Variants in RNF168 observed in about 807,000 individuals in gnomAD.
RNF168 encodes the protein E3 ubiquitin-protein ligase RNF168.
Under a neutral mutation model 34.9 loss-of-function variants are expected in RNF168, and 34 were observed. The ratio of observed to expected loss-of-function variants is 0.97; its 90% CI spans 0.74 to 1.30. The LOEUF (loss-of-function observed/expected upper bound fraction) is 1.30. Ranked by LOEUF, RNF168 falls within the 50% of genes most tolerant of loss-of-function variation. The pLI is 0.00. For synonymous variants in RNF168, 264 were observed against 254.7 expected, an observed-to-expected ratio of 1.04 and a Z score of -0.35; for missense variants, 725 against 682.5, an observed-to-expected ratio of 1.06 and a Z score of -0.69.
chr3:196,498,806 G>C (rs1732811507), intron 1 of RNF168, among the ~76,000 whole-genome samples: 2 of 152,062 alleles, frequency 1.3e-5, no homozygotes, highest in East Asian at 1.9e-4. Flanking sequence ...ACCAGGCTGG[G>C]CAACATGGTG....
intron 3 of RNF168, among the ~76,000 whole-genome samples, chr3:196,484,166 C>CCTT (rs1314005913): frequency 1.1e-4 from 12 of 110,800 alleles, no homozygotes; most frequent in African/African-American, 4.3e-4. Context: ...GTTGATCTTT[C>CCTT]TTTCCTTTTT....
At chr3:196,496,609 G>A (rs992528220) in intron 1 of RNF168, among the ~76,000 whole-genome samples, 40 of 152,208 alleles carry the variant, frequency 2.6e-4, no homozygotes, top group Admixed American at 3.9e-4. Flanking sequence ...GGACTCTGTT[G>A]CTGTTTGGAT....
chr3:196,484,262 C>A (rs537332327), intron 3 of RNF168, among the ~76,000 whole-genome samples: 1 of 149,528 alleles, frequency 6.7e-6, no homozygotes, highest in African/African-American at 2.5e-5. Flanking sequence ...GCTCCACCCC[C>A]GCAGGTTCAT....
rs1277526376 is a variant in RNF168, at chr3:196,475,610, G to T, written c.681-298C>A. ...CTGTCACCCAGGCTGGAGTGCAGTG[G>T]TGTGATCTCCGCTCACTGCAAGCTC... is the stretch of plus-strand genomic sequence containing the variant. On this transcript the variant is annotated intron_variant, in intron 4 of 5. Coordinates refer to ENST00000318037, the MANE Select transcript of RNF168 (RefSeq NM_152617.4). 1.6e-4 allele frequency among the ~76,000 whole-genome samples: 24 copies of T among 146,802 alleles called. No individual in the cohort carries two copies. In the South Asian group the frequency reaches 4.1e-3, roughly 25 times the overall value.
At chr3:196,495,133 T>C (rs967623432) in intron 1 of RNF168, among the ~76,000 whole-genome samples, 5 of 152,220 alleles carry the variant, frequency 3.3e-5, no homozygotes, top group African/African-American at 7.2e-5. Context: ...CCGTTTAACC[T>C]GCATTTAGAT....
chr3:196,497,099 T>C (rs1732760780), intron 1 of RNF168, among the ~76,000 whole-genome samples: 1 of 151,546 alleles, frequency 6.6e-6, no homozygotes, highest in Non-Finnish European at 1.5e-5. Flanking sequence ...TGAGCTGAGA[T>C]CACGCCACTG....
Position 196,469,229 on chromosome 3 carries a change from T to C in RNF168, c.*2590A>G, listed in dbSNP as rs1731943277. ...GAGAAAAATTGGTTTGATGAGAAGA[T>C]TGATCTTAGCCTGTCTCAGACAAAT... On this transcript the variant is annotated 3_prime_UTR_variant, in exon 6 of 6. Transcript: ENST00000318037. 1 of 152,220 alleles carries C rather than the reference T, an allele frequency of 6.6e-6. No individual in the cohort carries two copies. Among genetic ancestry groups the C allele is most frequent in the South Asian group, 2.1e-4 (1 of 4,828 alleles). The allele number at this position is 152,220 out of a possible 1,614,324, so 9.4% of individuals were successfully genotyped here. A position where few individuals can be genotyped will look rare whatever the true frequency, so the allele number is the denominator to read the frequency against.
chr3:196,498,615 G>A (rs993975725), intron 1 of RNF168, among the ~76,000 whole-genome samples: 2 of 152,178 alleles, frequency 1.3e-5, no homozygotes, highest in Non-Finnish European at 2.9e-5. Context: ...GCAAGCAACT[G>A]AAGCACTGTA....
intron 3 of RNF168, among the ~76,000 whole-genome samples, chr3:196,485,265 T>C (rs1465153296): frequency 1.3e-5 from 2 of 152,138 alleles, no homozygotes; most frequent in East Asian, 3.9e-4. Context: ...CCCAGCACTT[T>C]GGGAGGCTGA....
chr3:196,500,888 T>A (rs189549004), intron 1 of RNF168, among the ~76,000 whole-genome samples: 132 of 151,756 alleles, frequency 8.7e-4, no homozygotes, highest in East Asian at 8.3e-3. Context: ...ATTTTTTGTA[T>A]TTTTAGTAGA....
chr3:196,487,773 A>G (rs1339936257), intron 2 of RNF168, among the ~76,000 whole-genome samples, 195 bp from the exon 3 acceptor site: 2 of 152,216 alleles, frequency 1.3e-5, no homozygotes, highest in Admixed American at 6.5e-5. Context: ...CACTGAAATT[A>G]TAGGTGTGAG....
intron 3 of RNF168, among the ~76,000 whole-genome samples, chr3:196,486,696 T>C (rs558281713): frequency 6.6e-6 from 1 of 152,256 alleles, no homozygotes; most frequent in African/African-American, 2.4e-5. Flanking sequence ...CTGATATAAA[T>C]GGAAAAGGAA....
At chr3:196,480,564 TG>T (rs1354528005) in intron 4 of RNF168, among the ~76,000 whole-genome samples, 3 of 152,268 alleles carry the variant, frequency 2.0e-5, no homozygotes, top group Non-Finnish European at 4.4e-5. Context: ...TGAGGAGATC[TG>T]ACCATTTTGT....
At chr3:196,490,021 G>A (rs965669699) in intron 1 of RNF168, among the ~76,000 whole-genome samples, 3 of 152,160 alleles carry the variant, frequency 2.0e-5, no homozygotes, top group Non-Finnish European at 4.4e-5. Context: ...AAAGCACAAA[G>A]GCCAGGTTTC....
chr3:196,488,674 T>C lies in RNF168; in HGVS notation c.311A>G (p.Tyr104Cys), dbSNP rs755261571. The C allele has an allele frequency of 2.5e-6, 4 of 1,599,080 alleles. No homozygotes were observed. Among genetic ancestry groups the C allele is most frequent in the Middle Eastern group, 1.7e-4 (1 of 6,022 alleles). ...GQESEEVADD[Y>C]QPVRLLSKPG... Reference sequence around the variant, plus strand: ...TTTACTGAGCAGACGAACTGGCTGATAGTCATCAGCTATTTCATATCAAAA... The same window carrying C: ...TTTACTGAGCAGACGAACTGGCTGACAGTCATCAGCTATTTCATATCAAAA... Residue 104 changes from tyrosine (Y) to cysteine (C), a missense_variant, in exon 2 of 6, where the codon TAT (tyrosine) becomes TGT (cysteine). Tyr to Cys is a radical substitution (Grantham distance 194). Coordinates refer to ENST00000318037, the MANE Select transcript of RNF168 (RefSeq NM_152617.4).
chr3:196,486,599 A>T (rs1223673891), intron 3 of RNF168, among the ~76,000 whole-genome samples: 1 of 152,116 alleles, frequency 6.6e-6, no homozygotes, highest in Non-Finnish European at 1.5e-5. Context: ...TTCCCAATGT[A>T]CTGGGATTAC....
At chr3:196,491,191 T>C (rs1028409537) in intron 1 of RNF168, among the ~76,000 whole-genome samples, 13 of 152,044 alleles carry the variant, frequency 8.6e-5, no homozygotes, top group African/African-American at 3.1e-4. Flanking sequence ...CACGCACCTG[T>C]AGTCTCAGCT....
At chr3:196,474,094 C>T (rs1732079791) in intron 5 of RNF168, among the ~76,000 whole-genome samples, 1 of 151,690 alleles carries the variant, frequency 6.6e-6, no homozygotes, top group African/African-American at 2.4e-5. Context: ...CCTGATGCTG[C>T]CTTACTAGCA....
intron 3 of RNF168, among the ~76,000 whole-genome samples, chr3:196,484,971 T>C (rs1233352818): frequency 6.6e-6 from 1 of 152,188 alleles, no homozygotes; most frequent in Non-Finnish European, 1.5e-5. Flanking sequence ...ATTTTTCTAA[T>C]AAATACTTTT....
Sources: allele counts gnomAD v4.1 joint callset (sites outside exome capture counted in the v4.1 genomes callset), GRCh38; gene constraint gnomAD v4.1.1; transcripts MANE v1.5; gene names NCBI Gene and HGNC (gene_info 2026-07-23, HGNC 2026-07-21).